MYO1B: variants seen among roughly 807,000 people sequenced by gnomAD.
MYO1B encodes the protein myosin IB.
Under a neutral mutation model 159.7 loss-of-function variants are expected in MYO1B, and 72 were observed. The ratio of observed to expected loss-of-function variants is 0.45; its 90% CI spans 0.37 to 0.55. The LOEUF is 0.55. Among genes scored for constraint, MYO1B ranks in the 20% least tolerant of loss-of-function variants. The probability of loss-of-function intolerance (pLI) is 0.00; values close to 1 mark genes in which losing one functional copy is unlikely to be tolerated. For synonymous variants in MYO1B, 468 were observed against 473.8 expected (o/e 0.99, Z 0.16); for missense variants, 1,062 against 1,364.8 (o/e 0.78, Z 3.50).
chr2:191,414,651 C>T lies in MYO1B; in HGVS notation c.3141C>T (p.Phe1047=), dbSNP rs375549848. The part of the protein sequence containing the change: ...VSMSSQNDGF[F]AVHLKEGSEA... ...TGAGCTCACAAAATGATGGCTTCTTCGCCGTCCACCTCAAAGAGGTAAAGG... is the reference window on the plus strand; with the variant it reads ...TGAGCTCACAAAATGATGGCTTCTTTGCCGTCCACCTCAAAGAGGTAAAGG... Residue 1047 remains phenylalanine, a synonymous_variant, in exon 29 of 31, where the codon TTC becomes TTT. Transcript: ENST00000392318. 4.5e-5 allele frequency: 72 copies of T among 1,611,440 alleles called. No individual in the cohort carries two copies. The highest frequency in any genetic ancestry group is 1.7e-4 in the African/African-American group (13 of 74,864).
chr2:191,265,073 TTG>T (rs1218222738), intron 1 of MYO1B, among the ~76,000 whole-genome samples: 1 of 152,120 alleles, frequency 6.6e-6, no homozygotes, highest in Middle Eastern at 3.2e-3. Context: ...GCCAAAGCTG[TTG>T]TTTTCTGGAG....
chr2:191,408,250 C>T, intron 25 of MYO1B, 61 bp downstream of exon 25: 1 of 1,202,676 alleles, frequency 8.3e-7, no homozygotes, highest in Non-Finnish European at 1.2e-6. Flanking sequence ...CCTAATATCA[C>T]CAACTCCATA....
intron 15 of MYO1B, 152 bp downstream of exon 15, chr2:191,383,494 G>GTGTA (rs1553559157): frequency 7.3e-4 from 48 of 65,880 alleles, no homozygotes; most frequent in African/African-American, 2.1e-3. Flanking sequence ...ATATATATGT[G>GTGTA]TATATATATA....
chr2:191,327,700 G>C (rs1691193988), intron 3 of MYO1B, among the ~76,000 whole-genome samples: 1 of 152,232 alleles, frequency 6.6e-6, no homozygotes. Context: ...CTTGAGCAAG[G>C]CTTTGGTTGT....
At chr2:191,292,407 A>T (rs1283479140) in intron 2 of MYO1B, among the ~76,000 whole-genome samples, 1 of 152,196 alleles carries the variant, frequency 6.6e-6, no homozygotes, top group African/African-American at 2.4e-5. Flanking sequence ...GAGAGGTAGA[A>T]CAGCTCGAAG....
chr2:191,383,373 T>C (rs1304372805), intron 15 of MYO1B, 31 bp downstream of exon 15: 5 of 1,447,032 alleles, frequency 3.5e-6, no homozygotes, highest in Non-Finnish European at 3.7e-6. Context: ...TTCTAAAGAA[T>C]GTTTTAGTCC....
At chr2:191,307,414 C>A (rs1158595931) in intron 3 of MYO1B, among the ~76,000 whole-genome samples, 1 of 152,182 alleles carries the variant, frequency 6.6e-6, no homozygotes, top group Non-Finnish European at 1.5e-5. Flanking sequence ...TTTTAGCCAG[C>A]TTCTTTACCG....
In MYO1B at chr2:191,383,515, TACACAC is replaced by T. The variant is rs71030338; in HGVS notation, c.1353+201_1353+206del. ...ATGTGTATATATATATATATACACG[TACACAC>T]ACACACACACACACACACACACACA... On this transcript the variant is annotated intron_variant, in intron 15 of 30. Coordinates refer to ENST00000392318, the MANE Select transcript of MYO1B (RefSeq NM_001130158.3). Among the ~76,000 whole-genome samples the T allele has an allele frequency of 5.0e-3, 616 of 122,710 alleles. 13 individuals carry two copies. Among genetic ancestry groups the T allele is most frequent in the African/African-American group, 0.02 (591 of 29,544 alleles). 80.5% of individuals were successfully genotyped at this position (122,710 alleles called of 152,430 possible).
intron 7 of MYO1B, 189 bp downstream of exon 7, chr2:191,350,414 A>C (rs1692836226): frequency 2.5e-6 from 1 of 400,868 alleles, no homozygotes; most frequent in Non-Finnish European, 4.4e-6. Flanking sequence ...TTTAAAGATC[A>C]CTTAACATCT....
chr2:191,404,738 A>C (rs1439483970), intron 24 of MYO1B, among the ~76,000 whole-genome samples: 3 of 152,252 alleles, frequency 2.0e-5, no homozygotes, highest in Non-Finnish European at 2.9e-5. Flanking sequence ...TTAAGTATCT[A>C]ATAGCCTTAT....
chr2:191,364,680 G>A (rs144266192), intron 11 of MYO1B, among the ~76,000 whole-genome samples: 1 of 152,356 alleles, frequency 6.6e-6, no homozygotes, highest in African/African-American at 2.4e-5. Flanking sequence ...TGGCTGTGAT[G>A]TGGAGAGCAG....
intron 1 of MYO1B, among the ~76,000 whole-genome samples, chr2:191,269,494 ACTT>A (rs1687334140): frequency 6.6e-6 from 1 of 151,698 alleles, no homozygotes; most frequent in Non-Finnish European, 1.5e-5. Context: ...GCCTTCTTTC[ACTT>A]CTTTTAGGTA....
At position 191,315,188 on chromosome 2, in the gene MYO1B, C is replaced by T. The variant is rs540972207; in HGVS notation, c.252-14747C>T. 2.6e-5 allele frequency among the ~76,000 whole-genome samples: 4 copies of T among 152,060 alleles called. No individual in the cohort carries two copies. In the South Asian group the frequency reaches 8.3e-4, roughly 32 times the overall value. On this transcript the variant is annotated intron_variant, in intron 3 of 30. Coordinates refer to ENST00000392318, the MANE Select transcript of MYO1B (RefSeq NM_001130158.3). ...CCATCCATCCATCCATCCATCCATC[C>T]ATCCACCCATCCATCTTCCCATCCA...
chr2:191,330,320 A>G (rs543082208), intron 4 of MYO1B, among the ~76,000 whole-genome samples: 4 of 152,190 alleles, frequency 2.6e-5, no homozygotes, highest in Admixed American at 2.0e-4. Context: ...AAGACATTAA[A>G]CCTGTGTGCT....
intron 3 of MYO1B, 78 bp downstream of exon 3, chr2:191,296,304 T>A: frequency 4.6e-6 from 3 of 654,734 alleles, no homozygotes; most frequent in Non-Finnish European, 4.6e-6. Flanking sequence ...AGCTGTCTCC[T>A]TTGAATTTCA....
intron 2 of MYO1B, 27 bp from the exon 3 acceptor site, chr2:191,296,083 TG>T: frequency 7.5e-7 from 1 of 1,333,490 alleles, no homozygotes; most frequent in Non-Finnish European, 1.0e-6. Flanking sequence ...TACTAACTAA[TG>T]GGCATGTTTT....
At chr2:191,386,597 T>C (rs550166577) in intron 16 of MYO1B, among the ~76,000 whole-genome samples, 24 of 152,298 alleles carry the variant, frequency 1.6e-4, no homozygotes, top group Non-Finnish European at 2.2e-4. Context: ...ACAATCTTAA[T>C]TGATTAATCT....
chr2:191,317,193 G>A (rs1393133201), intron 3 of MYO1B, among the ~76,000 whole-genome samples: 2 of 152,090 alleles, frequency 1.3e-5, no homozygotes, highest in Non-Finnish European at 2.9e-5. Flanking sequence ...CCAATGCTGG[G>A]CACAGTTGTT....
chr2:191,298,378 A>G (rs184390160), intron 3 of MYO1B, among the ~76,000 whole-genome samples: 1 of 152,318 alleles, frequency 6.6e-6, no homozygotes, highest in Admixed American at 6.5e-5. Context: ...CTGTGATGAA[A>G]TACTTTATTT....
Sources: gnomAD v4.1 joint callset for allele counts (sites outside exome capture counted in the v4.1 genomes callset) on GRCh38, gnomAD v4.1.1 for gene constraint, MANE v1.5 for transcripts, NCBI Gene and HGNC (gene_info 2026-07-23, HGNC 2026-07-21) for gene names.